AIRE: variants seen among roughly 807,000 people sequenced by gnomAD.
AIRE encodes the protein autoimmune regulator.
In AIRE, 52 loss-of-function variants were observed where a neutral mutation model predicts 62.1. That is an observed-to-expected ratio of 0.84 (90% CI 0.67 to 1.06). The LOEUF (loss-of-function observed/expected upper bound fraction) is 1.06, where lower values mean the gene tolerates loss of function less well. Among genes scored for constraint, AIRE ranks in the 50% least tolerant of loss-of-function variants. The pLI, the probability that AIRE is intolerant of heterozygous loss-of-function variation, is 0.00. For missense variants in AIRE, 774 were observed against 755.8 expected (o/e 1.02, Z -0.28); for synonymous variants, 342 against 321.6 (o/e 1.06, Z -0.68).
chr21:44,294,959 A>AG (rs1601971011), intron 12 of AIRE, among the ~76,000 whole-genome samples: 2 of 152,196 alleles, frequency 1.3e-5, no homozygotes, highest in East Asian at 3.9e-4. Flanking sequence ...CCCCGGGTCC[A>AG]GCCAGTAGCT....
At chr21:44,296,582 C>T (rs1327966114) in intron 13 of AIRE, 137 bp downstream of exon 13, 8 of 857,244 alleles carry the variant, frequency 9.3e-6, no homozygotes, top group Admixed American at 7.9e-5. Context: ...TGTCCCTGCT[C>T]CACCCACCAG....
In AIRE at chr21:44,286,275, C is replaced by A. The variant is rs1186576425; in HGVS notation, c.132+137C>A. On this transcript the variant is annotated intron_variant, in intron 1 of 13. Coordinates refer to ENST00000291582, the MANE Select transcript of AIRE (RefSeq NM_000383.4). This position sits in a 1 kb window ranked among gnomAD's most constrained non-coding sequence, Gnocchi z 6.0. Reference sequence around the variant, plus strand: ...TCCCCAACTCCCTCCCCACAAGGAGCCAGGGGCGTCCCTGATGACAAGTTA... The same window carrying A: ...TCCCCAACTCCCTCCCCACAAGGAGACAGGGGCGTCCCTGATGACAAGTTA... The A allele has an allele frequency of 8.8e-6, 9 of 1,027,964 alleles. No individual in the cohort carries two copies. Among genetic ancestry groups the A allele is most frequent in the Non-Finnish European group, 1.3e-5 (9 of 703,384 alleles). The allele number at this position is 1,027,964 out of a possible 1,614,324, so 63.7% of individuals were successfully genotyped here. A position where few individuals can be genotyped will look rare whatever the true frequency, so the allele number is the denominator to read the frequency against.
Position 44,286,837 on chromosome 21 carries a change from G to C in AIRE, c.307+106G>C. ...AGTGGTGTTTGAGGAGCCCGTGGGT[G>C]ATGTTCCAGGACCGTCTTGGATCCT... On this transcript the variant is annotated intron_variant, in intron 2 of 13. Transcript: ENST00000291582. This position sits in a 1 kb window ranked among gnomAD's most constrained non-coding sequence, Gnocchi z 6.0. 1 of 1,562,572 alleles carries C rather than the reference G, an allele frequency of 6.4e-7. No individual in the cohort carries two copies. Among genetic ancestry groups the C allele is most frequent in the South Asian group, 1.1e-5 (1 of 89,534 alleles).
intron 12 of AIRE, among the ~76,000 whole-genome samples, chr21:44,295,193 C>T (rs2040593394): frequency 6.6e-6 from 1 of 152,168 alleles, no homozygotes; most frequent in South Asian, 2.1e-4. Flanking sequence ...GGTGATGACA[C>T]GTCCCACCTG....
chr21:44,286,771 C>T lies in AIRE; in HGVS notation c.307+40C>T. 1 of 1,606,788 alleles carries T rather than the reference C, an allele frequency of 6.2e-7. No individual in the cohort carries two copies. The highest frequency in any genetic ancestry group is 8.5e-7 in the Non-Finnish European group (1 of 1,175,192). On this transcript the variant is annotated intron_variant, in intron 2 of 13. Coordinates refer to ENST00000291582, the MANE Select transcript of AIRE (RefSeq NM_000383.4). This position sits in a 1 kb window ranked among gnomAD's most constrained non-coding sequence, Gnocchi z 6.0. ...ACTCAGCCATGCTGGGGGCCTGGGGCAGCTGCTGTCACCTGCTCAGCCCAG... is the reference window on the plus strand; with the variant it reads ...ACTCAGCCATGCTGGGGGCCTGGGGTAGCTGCTGTCACCTGCTCAGCCCAG...
At chr21:44,288,485 C>T (rs1356230873) in intron 5 of AIRE, 27 bp downstream of exon 5, 1 of 1,509,456 alleles carries the variant, frequency 6.6e-7, no homozygotes, top group Non-Finnish European at 9.2e-7. Flanking sequence ...GGAGATGGGG[C>T]TGATGGGGAG....
intron 5 of AIRE, chr21:44,288,757 T>G: frequency 2.7e-6 from 1 of 371,018 alleles, no homozygotes; most frequent in Non-Finnish European, 5.0e-6. Context: ...TGGGGTTGCA[T>G]CCTTAGAAAG....
Position 44,295,974 on chromosome 21 carries a change from C to A in AIRE, c.1504-409C>A, listed in dbSNP as rs565093611. ...TCTGCTGGGGGTGCCTGCCTGGGGA[C>A]CTTCTCCCACTCTGGTCGCTCACCT... On this transcript the variant is annotated intron_variant, in intron 12 of 13. Transcript: ENST00000291582. Among the ~76,000 whole-genome samples the A allele has an allele frequency of 2.0e-4, 31 of 152,312 alleles. No homozygotes were observed. The South Asian group carries it at 4.1e-3, about 20-fold the overall frequency.
intron 7 of AIRE, 120 bp downstream of exon 7, chr21:44,290,188 A>G (rs2040522228): frequency 6.5e-7 from 1 of 1,532,364 alleles, no homozygotes; most frequent in African/African-American, 1.4e-5. Flanking sequence ...GCCCCTACCC[A>G]CAGGGTACAG....
chr21:44,287,889 C>T lies in AIRE; in HGVS notation c.538+298C>T, dbSNP rs185459141. On this transcript the variant is annotated intron_variant, in intron 4 of 13. Coordinates refer to ENST00000291582, the MANE Select transcript of AIRE (RefSeq NM_000383.4). This position sits in a 1 kb window ranked among gnomAD's most constrained non-coding sequence, Gnocchi z 4.3. ...TTCAGGACCAGCCTAGACATAGCTT[C>T]CTCCAGAAAATCATCCCTGGCCCCC... Among the ~76,000 whole-genome samples the T allele has an allele frequency of 5.3e-4, 80 of 152,272 alleles. No homozygotes were observed. Among genetic ancestry groups the T allele is most frequent in the African/African-American group, 1.8e-3 (75 of 41,544 alleles).
At position 44,288,368 on chromosome 21, in the gene AIRE, G is replaced by C. The variant is rs1191155154; in HGVS notation, c.562G>C (p.Val188Leu). 3 of 1,612,028 alleles carry C rather than the reference G, an allele frequency of 1.9e-6. No individual in the cohort carries two copies. In the Admixed American group the frequency reaches 5.0e-5, roughly 27 times the overall value. Reference sequence around the variant, plus strand: ...AGGGATTCAGACCATGTCAGCTTCAGTCCAGAGAGCTGTGGCCATGTCCTC... The same window carrying C: ...AGGGATTCAGACCATGTCAGCTTCACTCCAGAGAGCTGTGGCCATGTCCTC... ...GNGIQTMSASVQRAVAMSSGD... is the reference protein window; with the variant it reads ...GNGIQTMSASLQRAVAMSSGD... Residue 188 changes from valine to leucine, a missense_variant, in exon 5 of 14, where the codon GTC becomes CTC. This residue lies in a region of AIRE where 385 missense variants were observed against 396.0 expected (regional missense o/e 0.97). Coordinates refer to ENST00000291582, the MANE Select transcript of AIRE (RefSeq NM_000383.4).
At chr21:44,296,030 C>T (rs977951281) in intron 12 of AIRE, among the ~76,000 whole-genome samples, 14 of 152,200 alleles carry the variant, frequency 9.2e-5, no homozygotes, top group African/African-American at 2.9e-4. Context: ...TGGTGCTTGT[C>T]GGGGGCGGGG....
Position 44,297,912 on chromosome 21 carries a change from T to C in AIRE, c.*185T>C, listed in dbSNP as rs1601973305. On this transcript the variant is annotated 3_prime_UTR_variant, in exon 14 of 14. Coordinates refer to ENST00000291582, the MANE Select transcript of AIRE (RefSeq NM_000383.4). The surrounding 1 kb of genome is among the most constrained non-coding windows in gnomAD (Gnocchi z 4.8). ...CATCATGTGCCTGGAAATTAAACCC[T>C]GCCCCACTTCTCTACTCTGGAAGTC... 1 of 643,668 alleles carries C rather than the reference T, an allele frequency of 1.6e-6. No homozygotes were observed. The highest frequency in any genetic ancestry group is 2.8e-5 in the East Asian group (1 of 35,614). 39.9% of individuals were successfully genotyped at this position (643,668 alleles called of 1,614,324 possible). A position where few individuals can be genotyped will look rare whatever the true frequency, so the allele number is the denominator to read the frequency against.
Position 44,286,036 on chromosome 21 carries a change from T to C in AIRE, c.30T>C (p.Leu10=), listed in dbSNP as rs1024577400. MATDAALRR[L]LRLHRTEIAV... is the part of the protein sequence containing the mutation. ...CGACGGACGCGGCGCTACGCCGGCT[T>C]CTGAGGCTGCACCGCACGGAGATCG... Residue 10 remains leucine, a synonymous_variant, in exon 1 of 14, where the codon CTT becomes CTC. Coordinates refer to ENST00000291582, the MANE Select transcript of AIRE (RefSeq NM_000383.4). This position sits in a 1 kb window ranked among gnomAD's most constrained non-coding sequence, Gnocchi z 6.0. 6 of 1,536,704 alleles carry C rather than the reference T, an allele frequency of 3.9e-6. No homozygotes were observed. The African/African-American group carries it at 8.2e-5, about 21-fold the overall frequency.
At chr21:44,290,222 T>C in intron 7 of AIRE, 154 bp downstream of exon 7, 1 of 983,014 alleles carries the variant, frequency 1.0e-6, no homozygotes, top group Non-Finnish European at 1.2e-6. Context: ...ATAGACAGTA[T>C]TTTTTTCCTG....
chr21:44,288,270 C>T, intron 4 of AIRE, 75 bp from the exon 5 acceptor site: 1 of 1,246,060 alleles, frequency 8.0e-7, no homozygotes, highest in Non-Finnish European at 1.2e-6. Context: ...CCAGTGCTGC[C>T]TGCTTCTGGC....
At chr21:44,296,520 T>TGGGGAGC in intron 13 of AIRE, 75 bp downstream of exon 13, 2 of 1,380,948 alleles carry the variant, frequency 1.4e-6, no homozygotes, top group Non-Finnish European at 2.0e-6. Flanking sequence ...GGCTCCCCAC[T>TGGGGAGC]CTGGGGGAGG....
intron 13 of AIRE, 21 bp downstream of exon 13, chr21:44,296,466 C>A: frequency 1.2e-6 from 2 of 1,606,558 alleles, no homozygotes; most frequent in Non-Finnish European, 1.7e-6. Flanking sequence ...CCCTGGCCTC[C>A]TGGTGCTCCT....
In AIRE at chr21:44,297,324, G is replaced by A. The variant is rs946051759; in HGVS notation, c.1567-332G>A. ...CTGGCCCCGACCCCCCCACCCTGAA[G>A]GAGCCACCCGAGGAGGCAGAACTGC... is the stretch of plus-strand genomic sequence containing the variant. On this transcript the variant is annotated intron_variant, in intron 13 of 13. Transcript: ENST00000291582. This position sits in a 1 kb window ranked among gnomAD's most constrained non-coding sequence, Gnocchi z 4.8. Among the ~76,000 whole-genome samples, 8 of 140,912 alleles carry A rather than the reference G, an allele frequency of 5.7e-5. No homozygotes were observed. Among genetic ancestry groups the A allele is most frequent in the African/African-American group, 2.2e-4 (8 of 36,620 alleles). 92.4% of individuals were successfully genotyped at this position (140,912 alleles called of 152,430 possible).
Sources: allele counts gnomAD v4.1 joint callset (sites outside exome capture counted in the v4.1 genomes callset), GRCh38; gene constraint gnomAD v4.1.1; regional missense constraint gnomAD v4.1.1; non-coding constraint Gnocchi (gnomAD v3.1); transcripts MANE v1.5; gene names NCBI Gene and HGNC (gene_info 2026-07-23, HGNC 2026-07-21).